Variants in REV3L observed in about 807,000 individuals in gnomAD.
REV3L encodes REV3 like, DNA directed polymerase zeta catalytic subunit, also known as DNA polymerase zeta catalytic subunit.
Under a neutral mutation model 299.4 loss-of-function variants are expected in REV3L, and 69 were observed. The observed-to-expected ratio is 0.23, with a 90% CI of 0.19 to 0.28. The LOEUF (loss-of-function observed/expected upper bound fraction) is 0.28, where lower values mean the gene tolerates loss of function less well. REV3L is among the 10% of genes least tolerant of loss of function. The probability of loss-of-function intolerance (pLI) is 1.00; values close to 1 mark genes in which losing one functional copy is unlikely to be tolerated. For missense variants in REV3L, 3,128 were observed against 3,693.8 expected (o/e 0.85, Z 3.97); for synonymous variants, 1,238 against 1,271.4 (o/e 0.97, Z 0.56).
chr6:111,415,653 T>C (rs1252237304), intron 2 of REV3L, among the ~76,000 whole-genome samples: 1 of 152,112 alleles, frequency 6.6e-6, no homozygotes, highest in Non-Finnish European at 1.5e-5. Flanking sequence ...CCAACTCTCC[T>C]TTACTCTTCC....
chr6:111,373,220 G>C lies in REV3L; in HGVS notation c.5135C>G (p.Thr1712Arg). 1 of 1,614,108 alleles carries C rather than the reference G, an allele frequency of 6.2e-7. No individual in the cohort carries two copies. The highest frequency in any genetic ancestry group is 8.5e-7 in the Non-Finnish European group (1 of 1,180,004). Residue 1712 changes from threonine (T) to arginine (R), a missense_variant, in exon 13 of 32, where the codon ACA becomes AGA. Physicochemically the swap from Thr to Arg is moderately conservative, Grantham distance 71 (BLOSUM62 -1). Coordinates refer to ENST00000368802, the MANE Select transcript of REV3L (RefSeq NM_001372078.1). ...AGATCTAATCCATGAGGCTGAGTCT[G>C]TGGTATGATGCTTGTCTTCATCACA... The part of the protein sequence containing the change: ...QKCDEDKHHT[T>R]DSASWIRSGT...
At chr6:111,363,446 T>C (rs571546979) in intron 16 of REV3L, among the ~76,000 whole-genome samples, 2 of 152,050 alleles carry the variant, frequency 1.3e-5, no homozygotes, top group Admixed American at 1.3e-4. Flanking sequence ...GCTGAGACTA[T>C]AGGTGCGCGC....
chr6:111,381,187 C>A, intron 10 of REV3L, 138 bp downstream of exon 10: 1 of 808,570 alleles, frequency 1.2e-6, no homozygotes, highest in Non-Finnish European at 1.9e-6. Context: ...TGCAAGGTTT[C>A]ATTTTCATAT....
chr6:111,337,448 C>T (rs1448710138), intron 21 of REV3L, among the ~76,000 whole-genome samples: 1 of 152,044 alleles, frequency 6.6e-6, no homozygotes, highest in East Asian at 1.9e-4. Context: ...TTAATCGAAA[C>T]ACTTACTGAA....
intron 18 of REV3L, 41 bp from the exon 19 acceptor site, chr6:111,351,832 T>C: frequency 7.7e-7 from 1 of 1,296,490 alleles, no homozygotes. Flanking sequence ...GTACCATACA[T>C]TTGAACCTTT....
At chr6:111,306,370 A>C (rs146368805) in intron 31 of REV3L, among the ~76,000 whole-genome samples, 1 of 152,278 alleles carries the variant, frequency 6.6e-6, no homozygotes, top group African/African-American at 2.4e-5. Flanking sequence ...GTCGAGGTAG[A>C]GTGTGACAGA....
chr6:111,468,602 C>T (rs952602947), intron 1 of REV3L, among the ~76,000 whole-genome samples: 1 of 152,132 alleles, frequency 6.6e-6, no homozygotes, highest in African/African-American at 2.4e-5. Context: ...ATTAGATTGG[C>T]AATGATCAAA....
chr6:111,359,894 A>G (rs1168515818), intron 16 of REV3L, among the ~76,000 whole-genome samples: 1 of 152,192 alleles, frequency 6.6e-6, no homozygotes, highest in Non-Finnish European at 1.5e-5. Flanking sequence ...CAAACTGTTG[A>G]AGAAATGTAA....
At chr6:111,379,534 G>A (rs1780620804) in intron 11 of REV3L, among the ~76,000 whole-genome samples, 1 of 152,178 alleles carries the variant, frequency 6.6e-6, no homozygotes. Flanking sequence ...ACCAGTGTTT[G>A]CTTCTTAGTC....
At chr6:111,472,171 T>C (rs1455560085) in intron 1 of REV3L, 10 of 1,256,880 alleles carry the variant, frequency 8.0e-6, no homozygotes, top group Non-Finnish European at 9.3e-6. Context: ...GTCATTTTCT[T>C]GTTCTGAGAA....
rs1303134113 is a variant in REV3L, at chr6:111,313,494, G to T, written c.8467-5C>A. Reference sequence around the variant, plus strand: ...TAAAACACAGGGCAAATATACCTGTGGTAAAATTAATAAAATGCCTCTTAA... The same window carrying T: ...TAAAACACAGGGCAAATATACCTGTTGTAAAATTAATAAAATGCCTCTTAA... On this transcript the variant is annotated splice_polypyrimidine_tract_variant and splice_region_variant and intron_variant, in intron 27 of 31. Coordinates refer to ENST00000368802, the MANE Select transcript of REV3L (RefSeq NM_001372078.1). The T allele has an allele frequency of 1.3e-6, 2 of 1,587,492 alleles. No individual in the cohort carries two copies. The highest frequency in any genetic ancestry group is 1.4e-5 in the African/African-American group (1 of 73,274).
At chr6:111,389,507 C>A (rs1047987192) in intron 6 of REV3L, among the ~76,000 whole-genome samples, 1 of 152,070 alleles carries the variant, frequency 6.6e-6, no homozygotes, top group African/African-American at 2.4e-5. Flanking sequence ...AGGCACAGTA[C>A]ATTAAATTGC....
intron 1 of REV3L, among the ~76,000 whole-genome samples, chr6:111,417,084 T>C (rs879663739): frequency 6.6e-6 from 1 of 151,484 alleles, no homozygotes; most frequent in Non-Finnish European, 1.5e-5. Context: ...TTTCAGGGTA[T>C]CTAAATTTTA....
chr6:111,319,436 A>T (rs1265064405), intron 26 of REV3L, among the ~76,000 whole-genome samples: 1 of 152,034 alleles, frequency 6.6e-6, no homozygotes, highest in African/African-American at 2.4e-5. Flanking sequence ...ACTGGACTCC[A>T]GCCTGGGCGG....
At chr6:111,430,666 T>C in intron 1 of REV3L, 8 of 1,519,894 alleles carry the variant, frequency 5.3e-6, no homozygotes, top group Non-Finnish European at 5.5e-6. Flanking sequence ...ACTCTGGAGA[T>C]GCCAAAGCAC....
chr6:111,476,330 ATTTTT>A (rs748781239), intron 1 of REV3L, among the ~76,000 whole-genome samples: 50 of 151,914 alleles, frequency 3.3e-4, no homozygotes, highest in Non-Finnish European at 5.6e-4. Context: ...TAACTTTTGT[ATTTTT>A]TTGTAGAGAT....
At chr6:111,398,433 GAA>G (rs34635053) in intron 4 of REV3L, among the ~76,000 whole-genome samples, 1 of 147,828 alleles carries the variant, frequency 6.8e-6, no homozygotes, top group South Asian at 2.1e-4. Flanking sequence ...AAAGAAAAAA[GAA>G]AAAAAAAATT....
chr6:111,394,598 A>C (rs1318109111), intron 4 of REV3L, among the ~76,000 whole-genome samples: 1 of 152,086 alleles, frequency 6.6e-6, no homozygotes, highest in Non-Finnish European at 1.5e-5. Context: ...TGCTGTGCAG[A>C]AGCTTTTACA....
chr6:111,352,295 C>T (rs760839392), intron 18 of REV3L, among the ~76,000 whole-genome samples: 6 of 151,956 alleles, frequency 3.9e-5, no homozygotes, highest in Non-Finnish European at 7.4e-5. Context: ...GGCGATTTGA[C>T]GCTATTTTTG....
Sources: allele counts gnomAD v4.1 joint callset (sites outside exome capture counted in the v4.1 genomes callset), GRCh38; gene constraint gnomAD v4.1.1; transcripts MANE v1.5; gene names NCBI Gene and HGNC (gene_info 2026-07-23, HGNC 2026-07-21).